Variants in CNTNAP2 observed in about 807,000 individuals in gnomAD.
The protein encoded by CNTNAP2 is contactin associated protein 2, also known as contactin-associated protein-like 2.
In CNTNAP2, 98 loss-of-function variants were observed where a neutral mutation model predicts 155.2. That is an observed-to-expected ratio of 0.63 (90% CI 0.54 to 0.75). CNTNAP2 has a LOEUF of 0.75. Among genes scored for constraint, CNTNAP2 ranks in the 30% least tolerant of loss-of-function variants. The pLI is 0.00. For synonymous variants in CNTNAP2, 651 were observed against 631.2 expected, an observed-to-expected ratio of 1.03 and a Z score of -0.47; for missense variants, 1,727 against 1,688.1, an observed-to-expected ratio of 1.02 and a Z score of -0.40.
chr7:146,831,367 A>T (rs777261425), intron 2 of CNTNAP2, among the ~76,000 whole-genome samples: 2 of 152,074 alleles, frequency 1.3e-5, no homozygotes, highest in African/African-American at 2.4e-5. Flanking sequence ...TATAATCTGA[A>T]TTCGAATGCT....
intron 21 of CNTNAP2, among the ~76,000 whole-genome samples, chr7:148,281,144 G>C (rs770392897): frequency 3.3e-5 from 5 of 152,226 alleles, no homozygotes; most frequent in Middle Eastern, 3.4e-3. Flanking sequence ...GTAGAGATTA[G>C]GAAATATGTG....
chr7:148,411,854 T>C (rs1213548300), intron 23 of CNTNAP2, among the ~76,000 whole-genome samples: 1 of 77,398 alleles, frequency 1.3e-5, no homozygotes, highest in Non-Finnish European at 3.5e-5. Flanking sequence ...CTGACATATG[T>C]GTGTGTGTGT....
In CNTNAP2 at chr7:146,175,825, C is replaced by T. The variant is rs752359058; in HGVS notation, c.97+58852C>T. Among the ~76,000 whole-genome samples, 55 of 152,192 alleles carry T rather than the reference C, an allele frequency of 3.6e-4. 1 individual carries two copies. The highest frequency in any genetic ancestry group is 8.8e-5 in the Non-Finnish European group (6 of 68,028). ...TCTGTCTCTCTCTTCCCTCCTCACT[C>T]CATTCTTTCCAGTATCCTTGTCTAT... is the stretch of plus-strand genomic sequence containing the variant. On this transcript the variant is annotated intron_variant, in intron 1 of 23. Transcript: ENST00000361727.
chr7:146,966,322 A>G (rs987564721), intron 3 of CNTNAP2, among the ~76,000 whole-genome samples: 3 of 152,182 alleles, frequency 2.0e-5, no homozygotes, highest in African/African-American at 7.2e-5. Flanking sequence ...GTTATCACCC[A>G]TGCCTGTACA....
intron 8 of CNTNAP2, among the ~76,000 whole-genome samples, chr7:147,279,332 C>G (rs1804975027): frequency 6.6e-6 from 1 of 151,688 alleles, no homozygotes; most frequent in South Asian, 2.1e-4. Flanking sequence ...AGCTTTGACT[C>G]AGAGATAATA....
chr7:146,305,912 G>A lies in CNTNAP2; in HGVS notation c.97+188939G>A, dbSNP rs768825703. On this transcript the variant is annotated intron_variant, in intron 1 of 23. Transcript: ENST00000361727. ...AACTAAGATCAGAGCAGAACTGAAG[G>A]AGATAGAGACACAAAATACCCTTCA... 2.5e-4 allele frequency among the ~76,000 whole-genome samples: 38 copies of A among 152,194 alleles called. 1 individual carries two copies. The highest frequency in any genetic ancestry group is 3.9e-4 in the Admixed American group (6 of 15,282).
At chr7:148,194,136 A>AGTGTGTGTGTGTGTGT (rs5888309) in intron 18 of CNTNAP2, among the ~76,000 whole-genome samples, 4 of 141,794 alleles carry the variant, frequency 2.8e-5, no homozygotes, top group Non-Finnish European at 6.1e-5. Context: ...ATGCCTGGCT[A>AGTGTGTGTGTGTGTGT]GTGTGTGTGT....
intron 18 of CNTNAP2, among the ~76,000 whole-genome samples, chr7:148,188,506 A>G (rs1446541249): frequency 6.6e-6 from 1 of 152,182 alleles, no homozygotes; most frequent in Non-Finnish European, 1.5e-5. Context: ...AGGAAGAAAG[A>G]TACTCCTTTC....
At chr7:147,989,467 C>T (rs1801674919) in intron 15 of CNTNAP2, among the ~76,000 whole-genome samples, 1 of 152,222 alleles carries the variant, frequency 6.6e-6, no homozygotes, top group African/African-American at 2.4e-5. Flanking sequence ...TCAGAGCTCT[C>T]TAAGTGTTAG....
chr7:147,305,292 C>G (rs186468786), intron 9 of CNTNAP2, among the ~76,000 whole-genome samples: 12 of 152,198 alleles, frequency 7.9e-5, no homozygotes, highest in African/African-American at 2.2e-4. Flanking sequence ...AGATTTTTAT[C>G]AAGTAGTTAT....
chr7:147,287,170 T>C (rs1805198919), intron 8 of CNTNAP2, among the ~76,000 whole-genome samples: 1 of 151,796 alleles, frequency 6.6e-6, no homozygotes, highest in Admixed American at 6.6e-5. Context: ...TAGAGTGGGG[T>C]CAGTGGATGC....
At chr7:146,378,082 T>C (rs888242413) in intron 1 of CNTNAP2, among the ~76,000 whole-genome samples, 6 of 152,224 alleles carry the variant, frequency 3.9e-5, no homozygotes, top group African/African-American at 1.2e-4. Flanking sequence ...ATTGTATATG[T>C]CTTACTTATC....
At chr7:146,636,391 A>G (rs1220601783) in intron 1 of CNTNAP2, among the ~76,000 whole-genome samples, 2 of 152,066 alleles carry the variant, frequency 1.3e-5, no homozygotes, top group Admixed American at 1.3e-4. Context: ...ACACACACAT[A>G]TGAAATTCAG....
chr7:146,251,620 T>C (rs1799758405), intron 1 of CNTNAP2, among the ~76,000 whole-genome samples: 1 of 152,222 alleles, frequency 6.6e-6, no homozygotes, highest in East Asian at 1.9e-4. Context: ...ATTAAATTTA[T>C]TATTTCAACT....
intron 5 of CNTNAP2, among the ~76,000 whole-genome samples, chr7:147,113,638 A>G (rs1408497191): frequency 6.6e-6 from 1 of 152,130 alleles, no homozygotes; most frequent in Non-Finnish European, 1.5e-5. Flanking sequence ...CACTATGATG[A>G]GAACAGCAAG....
At chr7:146,947,384 TTCTCTCTC>T (rs66835656) in intron 3 of CNTNAP2, among the ~76,000 whole-genome samples, 41 of 128,400 alleles carry the variant, frequency 3.2e-4, no homozygotes, top group African/African-American at 1.0e-3. Flanking sequence ...CCTTCTCTCT[TTCTCTCTC>T]TCTCTCTCTC....
chr7:146,385,686 G>A (rs745674034), intron 1 of CNTNAP2, among the ~76,000 whole-genome samples: 4 of 152,160 alleles, frequency 2.6e-5, no homozygotes, highest in African/African-American at 4.8e-5. Flanking sequence ...CAAATGGCTG[G>A]AGATTGACTG....
At chr7:146,275,311 C>T (rs1412864804) in intron 1 of CNTNAP2, among the ~76,000 whole-genome samples, 1 of 152,034 alleles carries the variant, frequency 6.6e-6, no homozygotes, top group Non-Finnish European at 1.5e-5. Flanking sequence ...AAAATAGTAA[C>T]TTAACAAGAC....
intron 21 of CNTNAP2, among the ~76,000 whole-genome samples, chr7:148,288,026 G>A (rs558078923): frequency 3.2e-4 from 48 of 151,258 alleles, no homozygotes; most frequent in Non-Finnish European, 5.9e-4. Flanking sequence ...TCTTGACTTC[G>A]TGATCGGCCC....
Sources: allele counts gnomAD v4.1 joint callset (sites outside exome capture counted in the v4.1 genomes callset), GRCh38; gene constraint gnomAD v4.1.1; transcripts MANE v1.5; gene names NCBI Gene and HGNC (gene_info 2026-07-23, HGNC 2026-07-21).